Variants in NALF1 observed in about 807,000 individuals in gnomAD.
The protein encoded by NALF1 is NALCN channel auxiliary factor 1.
NALF1 carries 3 observed loss-of-function variants against 48.4 expected under a neutral mutation model. The ratio of observed to expected loss-of-function variants is 0.06; its 90% confidence interval spans 0.03 to 0.16. NALF1 has a LOEUF of 0.16. Among genes scored for constraint, NALF1 ranks in the 10% least tolerant of loss-of-function variants. The probability of loss-of-function intolerance (pLI) is 1.00; values close to 1 mark genes in which losing one functional copy is unlikely to be tolerated. For synonymous variants in NALF1, 262 were observed against 245.7 expected (o/e 1.07, Z -0.62); for missense variants, 526 against 571.5 (o/e 0.92, Z 0.81).
chr13:107,325,888 A>ATATATG (rs1566485854), intron 1 of NALF1, among the ~76,000 whole-genome samples: 24 of 39,188 alleles, frequency 6.1e-4, no homozygotes, highest in African/African-American at 1.3e-3. Flanking sequence ...ATATATATAT[A>ATATATG]CACACACACA....
In NALF1 at chr13:107,603,798, A is replaced by G. The variant is rs9559089; in HGVS notation, c.915+261884T>C. ...ATGCCAGCAGGATTCTGGTGAATACACTTATCTGTTTTAAAAATGACTTGC... is the reference window on the plus strand; with the variant it reads ...ATGCCAGCAGGATTCTGGTGAATACGCTTATCTGTTTTAAAAATGACTTGC... On this transcript the variant is annotated intron_variant, in intron 1 of 2. Coordinates refer to ENST00000375915, the MANE Select transcript of NALF1 (RefSeq NM_001080396.3). Among the ~76,000 whole-genome samples the G allele has an allele frequency of 0.021, 3,122 of 152,212 alleles. 213 individuals carry two copies. The East Asian group carries it at 0.26, about 13-fold the overall frequency.
chr13:107,290,761 T>G (rs183016547), intron 1 of NALF1, among the ~76,000 whole-genome samples: 1 of 152,352 alleles, frequency 6.6e-6, no homozygotes, highest in African/African-American at 2.4e-5. Context: ...TACTGCAATT[T>G]AAGTAAACAA....
chr13:107,781,564 T>G (rs967039027), intron 1 of NALF1, among the ~76,000 whole-genome samples: 3 of 152,008 alleles, frequency 2.0e-5, no homozygotes, highest in African/African-American at 7.3e-5. Context: ...ATTTGAATTG[T>G]GTTTTGAGAG....
At chr13:107,448,323 A>G (rs777639197) in intron 1 of NALF1, among the ~76,000 whole-genome samples, 31 of 152,040 alleles carry the variant, frequency 2.0e-4, no homozygotes, top group Non-Finnish European at 1.2e-4. Context: ...AGATAATTTG[A>G]ATTTTTAGCA....
At chr13:107,249,242 T>G (rs1366348195) in intron 1 of NALF1, among the ~76,000 whole-genome samples, 2 of 152,086 alleles carry the variant, frequency 1.3e-5, no homozygotes, top group Admixed American at 6.5e-5. Flanking sequence ...GGGAGATAAT[T>G]TTGCATTCAG....
rs575874759 is a variant in NALF1, at chr13:107,460,157, C to T, written c.916-249402G>A. Among the ~76,000 whole-genome samples the T allele has an allele frequency of 2.0e-5, 3 of 152,302 alleles. No individual in the cohort carries two copies. The East Asian group carries it at 5.8e-4, about 29-fold the overall frequency. On this transcript the variant is annotated intron_variant, in intron 1 of 2. Transcript: ENST00000375915. ...ATGAATACTTCTTTATATCTCACTT[C>T]TTTCATCTCAACCTCAAAGAAGCAA...
chr13:107,595,825 G>A (rs1878729408), intron 1 of NALF1, among the ~76,000 whole-genome samples: 1 of 152,090 alleles, frequency 6.6e-6, no homozygotes, highest in South Asian at 2.1e-4. Flanking sequence ...CAAGCGTCCT[G>A]CTCAATAGAT....
intron 1 of NALF1, among the ~76,000 whole-genome samples, chr13:107,428,545 G>A (rs1314712808): frequency 1.3e-5 from 2 of 152,132 alleles, no homozygotes; most frequent in Admixed American, 1.3e-4. Flanking sequence ...TGAGGACAGG[G>A]CCTCCCAGAA....
chr13:107,443,378 G>A (rs756389181), intron 1 of NALF1, among the ~76,000 whole-genome samples: 1 of 151,982 alleles, frequency 6.6e-6, no homozygotes, highest in South Asian at 2.1e-4. Context: ...ATCACACCCA[G>A]TTAATTTTTT....
intron 1 of NALF1, among the ~76,000 whole-genome samples, chr13:107,733,378 G>GT (rs1162033077): frequency 2.6e-5 from 4 of 152,146 alleles, no homozygotes; most frequent in Non-Finnish European, 4.4e-5. Context: ...AATTCACACT[G>GT]TAACAATTGT....
intron 2 of NALF1, among the ~76,000 whole-genome samples, chr13:107,195,110 C>T (rs952644140): frequency 4.6e-5 from 7 of 152,218 alleles, no homozygotes; most frequent in South Asian, 2.1e-4. Flanking sequence ...CACTTTTGCA[C>T]GCTGTTGGGA....
chr13:107,231,758 C>G (rs1880231437), intron 1 of NALF1, among the ~76,000 whole-genome samples: 1 of 152,196 alleles, frequency 6.6e-6, no homozygotes, highest in South Asian at 2.1e-4. Context: ...ATTAGCAACC[C>G]TGGCAGGGCC....
intron 1 of NALF1, among the ~76,000 whole-genome samples, chr13:107,368,182 T>TGTG (rs1883184629): frequency 6.6e-6 from 1 of 152,200 alleles, no homozygotes; most frequent in Non-Finnish European, 1.5e-5. Flanking sequence ...TACTAAAAGT[T>TGTG]ATAACACCAA....
chr13:107,214,509 T>G (rs532433522), intron 1 of NALF1, among the ~76,000 whole-genome samples: 1 of 152,312 alleles, frequency 6.6e-6, no homozygotes, highest in Non-Finnish European at 1.5e-5. Context: ...GTGCGAGGTC[T>G]CTGGTGACAG....
intron 1 of NALF1, among the ~76,000 whole-genome samples, chr13:107,817,505 C>T (rs887921642): frequency 2.6e-5 from 4 of 152,152 alleles, no homozygotes; most frequent in South Asian, 4.1e-4. Flanking sequence ...TAGGGAGTGC[C>T]GGGATTTTAA....
chr13:107,353,862 G>A (rs1882916902), intron 1 of NALF1, among the ~76,000 whole-genome samples: 1 of 152,154 alleles, frequency 6.6e-6, no homozygotes, highest in Non-Finnish European at 1.5e-5. Context: ...ATTAGTAAAT[G>A]CATAGATATT....
chr13:107,562,725 T>C (rs559502521), intron 1 of NALF1, among the ~76,000 whole-genome samples: 2 of 152,342 alleles, frequency 1.3e-5, no homozygotes, highest in African/African-American at 4.8e-5. Flanking sequence ...CTTTTGACTA[T>C]GCCTTGTGCT....
rs576970100 is a variant in NALF1, at chr13:107,776,328, A to T, written c.915+89354T>A. ...AATGTCTAGGTACCTTGGTTTCCTCATCTGTGAAAAGGGATTAGTCATTGA... is the reference window on the plus strand; with the variant it reads ...AATGTCTAGGTACCTTGGTTTCCTCTTCTGTGAAAAGGGATTAGTCATTGA... On this transcript the variant is annotated intron_variant, in intron 1 of 2. Transcript: ENST00000375915. 3.9e-5 allele frequency among the ~76,000 whole-genome samples: 6 copies of T among 152,214 alleles called. No individual in the cohort carries two copies. The South Asian group carries it at 1.0e-3, about 26-fold the overall frequency.
At chr13:107,279,043 C>CTTTTTTTTTT (rs200133690) in intron 1 of NALF1, among the ~76,000 whole-genome samples, 3 of 122,926 alleles carry the variant, frequency 2.4e-5, no homozygotes, top group Non-Finnish European at 4.9e-5. Flanking sequence ...TTCTTTTCTT[C>CTTTTTTTTTT]TTTTTTTTTT....
Sources: allele counts gnomAD v4.1 joint callset (sites outside exome capture counted in the v4.1 genomes callset), GRCh38; gene constraint gnomAD v4.1.1; transcripts MANE v1.5; gene names NCBI Gene and HGNC (gene_info 2026-07-23, HGNC 2026-07-21).